ADGRL3: variants seen among roughly 807,000 people sequenced by gnomAD.
ADGRL3 encodes adhesion G protein-coupled receptor L3.
In ADGRL3, 62 loss-of-function variants were observed where a neutral mutation model predicts 153.5. That is an observed-to-expected ratio of 0.40 (90% confidence interval 0.33 to 0.50). The LOEUF is 0.50. Ranked by LOEUF, ADGRL3 falls within the 20% of genes least tolerant of loss-of-function variation. ADGRL3 has a pLI of 0.47. For missense variants in ADGRL3, 1,641 were observed against 1,859.4 expected, an observed-to-expected ratio of 0.88 and a Z score of 2.16; for synonymous variants, 710 against 672.5, an observed-to-expected ratio of 1.06 and a Z score of -0.86.
chr4:61,813,403 A>C (rs1379661825), intron 8 of ADGRL3, among the ~76,000 whole-genome samples: 3 of 152,180 alleles, frequency 2.0e-5, no homozygotes, highest in Non-Finnish European at 4.4e-5. Flanking sequence ...AAAATAAATA[A>C]ATAAATAAAT....
chr4:61,895,668 T>G, intron 10 of ADGRL3, 63 bp from the exon 11 acceptor site: 1 of 815,748 alleles, frequency 1.2e-6, no homozygotes, highest in South Asian at 1.7e-5. Context: ...TATTTTAAAA[T>G]ATACCATGGA....
intron 4 of ADGRL3, among the ~76,000 whole-genome samples, chr4:61,545,151 T>G (rs1049092071): frequency 1.3e-5 from 2 of 152,170 alleles, no homozygotes; most frequent in African/African-American, 4.8e-5. Flanking sequence ...GGACATAAAA[T>G]AGGAGTTTAA....
In ADGRL3 at chr4:61,979,679, G is replaced by A; in HGVS notation, c.2922G>A (p.Gln974=). 6.2e-7 allele frequency: 1 copy of A among 1,613,870 alleles called. No individual in the cohort carries two copies. Among genetic ancestry groups the A allele is most frequent in the Middle Eastern group, 1.7e-4 (1 of 6,060 alleles). ...CATTTTGCTTTTTCCGGGGGCTCCAGAGTGACCGTAACACCATCCACAAGA... is the reference window on the plus strand; with the variant it reads ...CATTTTGCTTTTTCCGGGGGCTCCAAAGTGACCGTAACACCATCCACAAGA... ...IFTFCFFRGL[Q]SDRNTIHKNL... The change falls in exon 18 of 27, where the codon CAG becomes CAA. Residue 974 remains glutamine, a synonymous_variant. Transcript: ENST00000683033.
chr4:61,212,079 A>G (rs1740295529), intron 1 of ADGRL3: 1 of 152,234 alleles, frequency 6.6e-6, no homozygotes, highest in African/African-American at 2.4e-5. Context: ...TAACCCATGT[A>G]TGAGCTTTGC....
rs796235643 is a variant in ADGRL3, at chr4:61,487,084, G to A, written c.-173-10037G>A. The stretch of plus-strand genomic sequence containing the variant: ...TCACCTCACTCCATTCAACCTACAA[G>A]TTAAAGACTAATCACACCTAGCTGA... On this transcript the variant is annotated intron_variant, in intron 2 of 26. Coordinates refer to ENST00000683033, the MANE Select transcript of ADGRL3 (RefSeq NM_001387552.1). Among the ~76,000 whole-genome samples the A allele has an allele frequency of 2.1e-4, 32 of 152,286 alleles. 1 individual carries two copies. Among genetic ancestry groups the A allele is most frequent in the African/African-American group, 7.2e-4 (30 of 41,558 alleles).
chr4:61,689,269 A>G (rs1185283248), intron 6 of ADGRL3, among the ~76,000 whole-genome samples: 3 of 152,128 alleles, frequency 2.0e-5, no homozygotes, highest in Non-Finnish European at 4.4e-5. Context: ...CCTCTTCTTA[A>G]GGAGTTACCC....
intron 2 of ADGRL3, chr4:61,427,538 G>C (rs537996542): frequency 6.5e-6 from 1 of 153,202 alleles, no homozygotes; most frequent in African/African-American, 2.4e-5. Flanking sequence ...ATGCAAGTCA[G>C]TTGGGGTATA....
intron 4 of ADGRL3, among the ~76,000 whole-genome samples, chr4:61,539,249 G>A (rs1180571062): frequency 2.0e-5 from 3 of 152,222 alleles, no homozygotes; most frequent in East Asian, 3.9e-4. Flanking sequence ...TGCACAGAGT[G>A]GCTGTCTCCG....
intron 9 of ADGRL3, among the ~76,000 whole-genome samples, chr4:61,815,476 G>A (rs559327389): frequency 6.6e-6 from 1 of 152,198 alleles, no homozygotes; most frequent in East Asian, 1.9e-4. Context: ...AAGATGATGG[G>A]GAAATTAGGT....
chr4:61,498,302 G>A (rs2098343214), intron 3 of ADGRL3, among the ~76,000 whole-genome samples: 1 of 152,110 alleles, frequency 6.6e-6, no homozygotes, highest in Non-Finnish European at 1.5e-5. Context: ...TGTAACCCCA[G>A]CACTTTAGGA....
At chr4:61,301,872 C>T (rs1350406996) in intron 1 of ADGRL3, among the ~76,000 whole-genome samples, 1 of 152,048 alleles carries the variant, frequency 6.6e-6, no homozygotes, top group Non-Finnish European at 1.5e-5. Context: ...AATTTTAGTG[C>T]TATTACCAGA....
intron 8 of ADGRL3, among the ~76,000 whole-genome samples, chr4:61,787,503 G>A (rs913661223): frequency 5.9e-5 from 9 of 151,970 alleles, no homozygotes. Flanking sequence ...AACATAAAGA[G>A]TGTACTGGGG....
At chr4:61,676,984 G>A (rs753267648) in intron 6 of ADGRL3, 49 bp downstream of exon 6, 5 of 1,192,212 alleles carry the variant, frequency 4.2e-6, no homozygotes, top group Non-Finnish European at 5.0e-6. Flanking sequence ...ATACTAAACT[G>A]TGTTTTGCAT....
intron 12 of ADGRL3, among the ~76,000 whole-genome samples, chr4:61,910,917 A>G (rs1359024509): frequency 6.6e-6 from 1 of 151,210 alleles, no homozygotes; most frequent in East Asian, 1.9e-4. Context: ...CTGCAATTTC[A>G]TCTGTAAAAA....
At chr4:62,057,139 G>T (rs1258422530) in intron 25 of ADGRL3, among the ~76,000 whole-genome samples, 1 of 152,068 alleles carries the variant, frequency 6.6e-6, no homozygotes, top group Non-Finnish European at 1.5e-5. Flanking sequence ...TTATGTTTCT[G>T]AATGATAGAT....
chr4:61,813,447 A>G (rs2097653030), intron 8 of ADGRL3, among the ~76,000 whole-genome samples: 1 of 152,098 alleles, frequency 6.6e-6, no homozygotes, highest in South Asian at 2.1e-4. Flanking sequence ...TAAATATGCC[A>G]CTTAATATTT....
In ADGRL3 at chr4:61,497,192, T is replaced by G; in HGVS notation, c.-102T>G. ...TTTTTCTTTTTAATTTGAAGAAAAATCATCAGTCTTGGAATACAGAAGAGA... is the reference window on the plus strand; with the variant it reads ...TTTTTCTTTTTAATTTGAAGAAAAAGCATCAGTCTTGGAATACAGAAGAGA... On this transcript the variant is annotated 5_prime_UTR_variant, in exon 3 of 27. Transcript: ENST00000683033. 1.5e-6 allele frequency: 1 copy of G among 673,798 alleles called. No individual in the cohort carries two copies. The highest frequency in any genetic ancestry group is 2.5e-6 in the Non-Finnish European group (1 of 399,114). 41.7% of individuals were successfully genotyped at this position (673,798 alleles called of 1,614,324 possible).
chr4:61,767,667 G>A (rs1290716594), intron 8 of ADGRL3, among the ~76,000 whole-genome samples: 10 of 152,178 alleles, frequency 6.6e-5, no homozygotes, highest in Non-Finnish European at 1.2e-4. Context: ...TTTCAGTGGG[G>A]TCCCACACAG....
chr4:61,485,737 C>T (rs955744134), intron 2 of ADGRL3, among the ~76,000 whole-genome samples: 4 of 152,170 alleles, frequency 2.6e-5, no homozygotes, highest in Non-Finnish European at 5.9e-5. Flanking sequence ...CTTACAACTT[C>T]TCTATTCTAG....
Sources: allele counts gnomAD v4.1 joint callset (sites outside exome capture counted in the v4.1 genomes callset), GRCh38; gene constraint gnomAD v4.1.1; transcripts MANE v1.5; gene names NCBI Gene and HGNC (gene_info 2026-07-23, HGNC 2026-07-21).